Variants in FHOD3 observed in about 807,000 individuals in gnomAD.
The protein encoded by FHOD3 is FH1/FH2 domain-containing protein 3.
FHOD3 carries 90 observed loss-of-function variants against 173.0 expected under a neutral mutation model. That is an observed-to-expected ratio of 0.52 (90% confidence interval 0.44 to 0.62). The LOEUF (loss-of-function observed/expected upper bound fraction) is 0.62, where lower values mean the gene tolerates loss of function less well. Ranked by LOEUF, FHOD3 falls within the 20% of genes least tolerant of loss-of-function variation. The pLI is 0.00. For synonymous variants in FHOD3, 828 were observed against 823.0 expected, an observed-to-expected ratio of 1.01 and a Z score of -0.10; for missense variants, 1,945 against 2,034.7, an observed-to-expected ratio of 0.96 and a Z score of 0.85.
chr18:36,333,669 A>G (rs2045142369), intron 1 of FHOD3, among the ~76,000 whole-genome samples: 1 of 152,174 alleles, frequency 6.6e-6, no homozygotes, highest in East Asian at 1.9e-4. Flanking sequence ...TTCCTGGACC[A>G]ACAGCTTCAG....
intron 3 of FHOD3, among the ~76,000 whole-genome samples, chr18:36,451,957 G>A (rs751460889): frequency 6.6e-6 from 1 of 152,066 alleles, no homozygotes; most frequent in African/African-American, 2.4e-5. Context: ...TTTCCTGCAT[G>A]TGGCTCCTTT....
At chr18:36,740,024 TG>T (rs1555831650) in intron 20 of FHOD3, among the ~76,000 whole-genome samples, 1 of 152,202 alleles carries the variant, frequency 6.6e-6, no homozygotes, top group Non-Finnish European at 1.5e-5. Context: ...CTTTAAAAAA[TG>T]TAATCACAAA....
chr18:36,329,054 G>T (rs1225288387), intron 1 of FHOD3, among the ~76,000 whole-genome samples: 1 of 152,172 alleles, frequency 6.6e-6, no homozygotes, highest in Non-Finnish European at 1.5e-5. Flanking sequence ...CAGAGAAAGT[G>T]TGGGAAAGAT....
At chr18:36,641,491 G>A (rs1208554056) in intron 10 of FHOD3, among the ~76,000 whole-genome samples, 1 of 152,200 alleles carries the variant, frequency 6.6e-6, no homozygotes, top group Non-Finnish European at 1.5e-5. Flanking sequence ...AAACAGCCAA[G>A]TTTTGCTTCA....
chr18:36,442,381 C>T (rs1017930789), intron 3 of FHOD3, among the ~76,000 whole-genome samples: 8 of 152,058 alleles, frequency 5.3e-5, no homozygotes, highest in African/African-American at 1.7e-4. Context: ...TATTCCTTAG[C>T]TCTTCATAAA....
chr18:36,779,476 C>T lies in FHOD3; in HGVS notation c.4815C>T (p.Thr1605=). The change falls in exon 29 of 29, where the codon ACC becomes ACT. Residue 1605 remains threonine (T), a synonymous_variant. Coordinates refer to ENST00000590592, the MANE Select transcript of FHOD3 (RefSeq NM_001281740.3). The part of the protein sequence containing the change: ...SLRRTLKSGL[T]PEEARALGLV... ...GAAGAACCCTGAAGAGCGGCCTGAC[C>T]CCAGAAGAAGCCAGAGCCCTGGGCT... 1 of 1,614,152 alleles carries T rather than the reference C, an allele frequency of 6.2e-7. No individual in the cohort carries two copies. The highest frequency in any genetic ancestry group is 8.5e-7 in the Non-Finnish European group (1 of 1,180,038).
rs760171223 is a variant in FHOD3 at position 36,740,722 on chromosome 18, C to T, written c.3643C>T (p.Pro1215Ser). Residue 1215 changes from proline to serine, a missense_variant, in exon 21 of 29, where the codon CCT becomes TCT. Physicochemically the swap from Pro to Ser is moderately conservative, Grantham distance 74. This residue lies in a region of FHOD3 where 231 missense variants were observed against 321.9 expected (regional missense o/e 0.72). Transcript: ENST00000590592. ...AATCCAGGAAGCTCAGCTGGCCAACCCTGAAATCCCCCTGGGCAGTGCAGA... is the reference window on the plus strand; with the variant it reads ...AATCCAGGAAGCTCAGCTGGCCAACTCTGAAATCCCCCTGGGCAGTGCAGA... Reference protein sequence around the residue: ...QKIQEAQLANPEIPLGSAEQF... With the variant: ...QKIQEAQLANSEIPLGSAEQF... 3 of 1,613,860 alleles carry T rather than the reference C, an allele frequency of 1.9e-6. No individual in the cohort carries two copies. Among genetic ancestry groups the T allele is most frequent in the Non-Finnish European group, 2.5e-6 (3 of 1,180,020 alleles).
chr18:36,311,503 C>T (rs574994540), intron 1 of FHOD3, among the ~76,000 whole-genome samples: 2 of 152,330 alleles, frequency 1.3e-5, no homozygotes, highest in South Asian at 4.1e-4. Flanking sequence ...GCACCTCCCT[C>T]ATGGGCTGTT....
intron 14 of FHOD3, among the ~76,000 whole-genome samples, chr18:36,680,535 C>G (rs973010538): frequency 6.6e-6 from 1 of 152,210 alleles, no homozygotes; most frequent in Non-Finnish European, 1.5e-5. Flanking sequence ...ACATAGCTAA[C>G]CCCTTTCCTT....
intron 9 of FHOD3, among the ~76,000 whole-genome samples, chr18:36,617,893 T>G (rs1271770553): frequency 6.6e-6 from 1 of 152,206 alleles, no homozygotes; most frequent in African/African-American, 2.4e-5. Flanking sequence ...AGGATCAATT[T>G]TGCTAAATTA....
Position 36,779,930 on chromosome 18 carries a change from C to A in FHOD3, c.*400C>A. ...ACACCAAAATATCCAGATGTAAACC[C>A]CAAACTTGTACACAAAAGAAAGCAC... is the stretch of plus-strand genomic sequence containing the variant. On this transcript the variant is annotated 3_prime_UTR_variant, in exon 29 of 29. Coordinates refer to ENST00000590592, the MANE Select transcript of FHOD3 (RefSeq NM_001281740.3). 1 of 428,946 alleles carries A rather than the reference C, an allele frequency of 2.3e-6. No homozygotes were observed. Among genetic ancestry groups the A allele is most frequent in the East Asian group, 3.5e-5 (1 of 28,834 alleles). 26.6% of individuals were successfully genotyped at this position (428,946 alleles called of 1,614,324 possible).
At position 36,502,014 on chromosome 18, in the gene FHOD3, A is replaced by T. The variant is rs1005360938; in HGVS notation, c.405+15A>T. On this transcript the variant is annotated intron_variant, in intron 4 of 28. Coordinates refer to ENST00000590592, the MANE Select transcript of FHOD3 (RefSeq NM_001281740.3). ...AGATATTTCAGGTAAATAGGAAAAA[A>T]ATAAGTACTTACCTGTTTTTACATT... is the stretch of plus-strand genomic sequence containing the variant. 7 of 1,569,852 alleles carry T rather than the reference A, an allele frequency of 4.5e-6. No individual in the cohort carries two copies. Among genetic ancestry groups the T allele is most frequent in the Non-Finnish European group, 5.2e-6 (6 of 1,146,934 alleles).
At chr18:36,355,170 G>A (rs1453783102) in intron 1 of FHOD3, among the ~76,000 whole-genome samples, 3 of 152,092 alleles carry the variant, frequency 2.0e-5, no homozygotes, top group Non-Finnish European at 2.9e-5. Flanking sequence ...TGCCTTTTAA[G>A]CCCTGTGACT....
chr18:36,660,816 T>C (rs2036743938), intron 14 of FHOD3, among the ~76,000 whole-genome samples: 1 of 152,140 alleles, frequency 6.6e-6, no homozygotes, highest in South Asian at 2.1e-4. Context: ...GAGCCTGGCA[T>C]TGGGATGGGG....
chr18:36,631,656 G>T (rs1232701312), intron 10 of FHOD3, among the ~76,000 whole-genome samples: 5 of 152,160 alleles, frequency 3.3e-5, no homozygotes, highest in Non-Finnish European at 5.9e-5. Flanking sequence ...AGGAGGGGAA[G>T]CTGAGGCACA....
At chr18:36,763,792 C>A (rs778876812) in intron 27 of FHOD3, among the ~76,000 whole-genome samples, 22 of 152,034 alleles carry the variant, frequency 1.4e-4, no homozygotes, top group Non-Finnish European at 1.2e-4. Context: ...AACTGAGGCA[C>A]AGATGACAGG....
chr18:36,474,102 AAAC>A (rs756762805), intron 3 of FHOD3, among the ~76,000 whole-genome samples: 71 of 152,342 alleles, frequency 4.7e-4, no homozygotes, highest in Non-Finnish European at 8.4e-4. Context: ...GGAATTTAGA[AAAC>A]AACATTCCTT....
chr18:36,667,735 T>C (rs1600162063), intron 14 of FHOD3, among the ~76,000 whole-genome samples: 1 of 152,184 alleles, frequency 6.6e-6, no homozygotes, highest in Admixed American at 6.5e-5. Flanking sequence ...GACATTACTG[T>C]ACATCACTGT....
intron 1 of FHOD3, among the ~76,000 whole-genome samples, chr18:36,298,394 G>C (rs1197010260): frequency 6.6e-6 from 1 of 152,144 alleles, no homozygotes; most frequent in Non-Finnish European, 1.5e-5. Context: ...GAAGCGGAGC[G>C]CCGCGAGACT....
Sources: allele counts gnomAD v4.1 joint callset (sites outside exome capture counted in the v4.1 genomes callset), GRCh38; gene constraint gnomAD v4.1.1; regional missense constraint gnomAD v4.1.1; transcripts MANE v1.5; gene names NCBI Gene and HGNC (gene_info 2026-07-23, HGNC 2026-07-21).